Variants in CDC42SE2 observed in about 807,000 individuals in gnomAD.
The protein encoded by CDC42SE2 is CDC42 small effector protein 2.
A neutral mutation model predicts 11.5 loss-of-function variants in CDC42SE2; 3 were observed. The ratio of observed to expected loss-of-function variants is 0.26; its 90% CI spans 0.12 to 0.67. The LOEUF is 0.67. Among genes scored for constraint, CDC42SE2 ranks in the 30% least tolerant of loss-of-function variants. The pLI is 0.80. For missense variants in CDC42SE2, 82 were observed against 106.8 expected, an observed-to-expected ratio of 0.77 and a Z score of 1.02; for synonymous variants, 33 against 34.8, an observed-to-expected ratio of 0.95 and a Z score of 0.18.
intron 1 of CDC42SE2, among the ~76,000 whole-genome samples, chr5:131,282,267 A>G (rs930263232): frequency 1.6e-4 from 24 of 152,368 alleles, no homozygotes; most frequent in African/African-American, 5.5e-4. Flanking sequence ...ATATACATAG[A>G]GAAGTCACTT....
intron 2 of CDC42SE2, among the ~76,000 whole-genome samples, chr5:131,359,008 C>G (rs1749632923): frequency 6.6e-6 from 1 of 152,170 alleles, no homozygotes; most frequent in Non-Finnish European, 1.5e-5. Flanking sequence ...GCAAAGATTT[C>G]TGTCTGCTTT....
chr5:131,341,903 A>T lies in CDC42SE2; in HGVS notation c.-285-17306A>T, dbSNP rs541389678. The stretch of plus-strand genomic sequence containing the variant: ...GAGCAAGACTCTTGTCTCAATAAAA[A>T]AAAAAAAAGATAGCTAATTATACCA... On this transcript the variant is annotated intron_variant, in intron 2 of 4. Coordinates refer to ENST00000505065, the MANE Select transcript of CDC42SE2 (RefSeq NM_001375635.1). Among the ~76,000 whole-genome samples the T allele has an allele frequency of 1.0e-3, 152 of 152,002 alleles. 1 individual carries two copies. Among genetic ancestry groups the T allele is most frequent in the African/African-American group, 3.6e-3 (149 of 41,456 alleles).
intron 3 of CDC42SE2, among the ~76,000 whole-genome samples, chr5:131,382,894 A>G (rs1191542258): frequency 6.6e-6 from 1 of 152,220 alleles, no homozygotes; most frequent in African/African-American, 2.4e-5. Flanking sequence ...TAATAAGGAA[A>G]TTTAGTGGAA....
chr5:131,238,774 G>T, the CDC42SE2 span, among the ~76,000 whole-genome samples: 1 of 151,334 alleles, frequency 6.6e-6, no homozygotes. Context: ...TTAATTTCTA[G>T]AAATTTTATG....
intron 1 of CDC42SE2, among the ~76,000 whole-genome samples, chr5:131,308,898 C>A (rs1413907575): frequency 1.3e-5 from 2 of 151,962 alleles, no homozygotes; most frequent in African/African-American, 4.8e-5. Flanking sequence ...CAAACAGGGA[C>A]AATTTGACTT....
intron 2 of CDC42SE2, among the ~76,000 whole-genome samples, chr5:131,326,920 T>C (rs1758312483): frequency 6.6e-6 from 1 of 152,282 alleles, no homozygotes; most frequent in South Asian, 2.1e-4. Context: ...CCTTAAATTT[T>C]ATTAAGATTG....
intron 1 of CDC42SE2, among the ~76,000 whole-genome samples, chr5:131,278,707 TTCCTCTCCCCTCCCCTCCCCCC>T (rs1757157660): frequency 5.4e-5 from 4 of 74,020 alleles, no homozygotes; most frequent in Non-Finnish European, 1.1e-4. Flanking sequence ...TTCCTTTCCT[TTCCTCTCCCCTCCCCTCCCCCC>T]TCCCCTCCCC....
intron 2 of CDC42SE2, among the ~76,000 whole-genome samples, chr5:131,330,161 G>A (rs72787045): frequency 0.04 from 6,143 of 152,192 alleles, 363 homozygotes; most frequent in East Asian, 0.31. Context: ...AGGAAGGCTG[G>A]AAGGCTAAGC....
intron 1 of CDC42SE2, among the ~76,000 whole-genome samples, chr5:131,306,523 A>G (rs531724461): frequency 6.6e-6 from 1 of 152,278 alleles, no homozygotes; most frequent in South Asian, 2.1e-4. Flanking sequence ...GAAGCTAGGT[A>G]GTGTGATGCC....
intron 1 of CDC42SE2, among the ~76,000 whole-genome samples, chr5:131,307,695 T>C (rs894271256): frequency 2.0e-5 from 3 of 152,098 alleles, no homozygotes; most frequent in African/African-American, 7.2e-5. Context: ...AGTGTAAAAG[T>C]GTTCCTATTT....
At chr5:131,280,339 G>C (rs534016823) in intron 1 of CDC42SE2, among the ~76,000 whole-genome samples, 1 of 152,228 alleles carries the variant, frequency 6.6e-6, no homozygotes, top group South Asian at 2.1e-4. Context: ...ATGTTTTGAT[G>C]AACATCCTTC....
intron 4 of CDC42SE2, among the ~76,000 whole-genome samples, 186 bp from the exon 5 acceptor site, chr5:131,390,807 A>G (rs566476972): frequency 5.9e-5 from 9 of 152,174 alleles, no homozygotes; most frequent in Admixed American, 1.3e-4. Flanking sequence ...AAAATGTTTC[A>G]GTTGCTAGCC....
chr5:131,377,588 A>G (rs982187871), intron 3 of CDC42SE2, among the ~76,000 whole-genome samples: 1 of 152,164 alleles, frequency 6.6e-6, no homozygotes, highest in Non-Finnish European at 1.5e-5. Context: ...CTCCACTCCA[A>G]ACTTGCTCAA....
chr5:131,286,479 A>G (rs1376571784), intron 1 of CDC42SE2, among the ~76,000 whole-genome samples: 1 of 150,742 alleles, frequency 6.6e-6, no homozygotes, highest in African/African-American at 2.5e-5. Context: ...ATGAATGCCA[A>G]CTATTTCATG....
chr5:131,227,355 C>T, the CDC42SE2 span, among the ~76,000 whole-genome samples: 6 of 151,472 alleles, frequency 4.0e-5, no homozygotes, highest in African/African-American at 9.7e-5. Context: ...ATTTGGTTGG[C>T]GAGGTACAGT....
At chr5:131,277,759 T>G (rs1757133588) in intron 1 of CDC42SE2, among the ~76,000 whole-genome samples, 1 of 152,194 alleles carries the variant, frequency 6.6e-6, no homozygotes, top group South Asian at 2.1e-4. Flanking sequence ...AAATATCACC[T>G]CCTGCTTCCT....
intron 1 of CDC42SE2, among the ~76,000 whole-genome samples, chr5:131,315,498 G>A (rs1299628542): frequency 6.6e-6 from 1 of 152,168 alleles, no homozygotes. Context: ...GGAGAGTGGC[G>A]ACTTCTGTGG....
chr5:131,260,562 T>C (rs1009725169), upstream of CDC42SE2, among the ~76,000 whole-genome samples: 9 of 148,332 alleles, frequency 6.1e-5, no homozygotes, highest in African/African-American at 1.3e-4. Context: ...GAGAGGAAGA[T>C]TGCAGTGAGC....
intron 2 of CDC42SE2, among the ~76,000 whole-genome samples, chr5:131,344,917 C>T (rs940995503): frequency 2.0e-5 from 3 of 152,194 alleles, no homozygotes; most frequent in Non-Finnish European, 4.4e-5. Context: ...CAAACTCCAA[C>T]AGACCTGCAG....
Sources: allele counts gnomAD v4.1 joint callset (sites outside exome capture counted in the v4.1 genomes callset), GRCh38; gene constraint gnomAD v4.1.1; transcripts MANE v1.5; gene names NCBI Gene and HGNC (gene_info 2026-07-23, HGNC 2026-07-21).